FHIT: variants seen among roughly 807,000 people sequenced by gnomAD.
The protein encoded by FHIT is fragile histidine triad diadenosine triphosphatase, also known as bis(5'-adenosyl)-triphosphatase.
In FHIT, 19 loss-of-function variants were observed where a neutral mutation model predicts 17.9. The ratio of observed to expected loss-of-function variants is 1.06; its 90% CI spans 0.74 to 1.56. The LOEUF (loss-of-function observed/expected upper bound fraction) is 1.56. Among genes scored for constraint, FHIT ranks in the 40% most tolerant of loss-of-function variants. The pLI, the probability that FHIT is intolerant of heterozygous loss-of-function variation, is 0.00. For missense variants in FHIT, 248 were observed against 189.2 expected (o/e 1.31, Z -1.82); for synonymous variants, 81 against 69.7 (o/e 1.16, Z -0.81).
intron 7 of FHIT, among the ~76,000 whole-genome samples, chr3:59,944,723 T>C (rs1706709693): frequency 6.6e-6 from 1 of 152,140 alleles, no homozygotes; most frequent in African/African-American, 2.4e-5. Flanking sequence ...TTTCTTTCTC[T>C]GTATCCAAGT....
chr3:60,517,835 A>G (rs2035218375), intron 5 of FHIT, among the ~76,000 whole-genome samples: 1 of 152,196 alleles, frequency 6.6e-6, no homozygotes, highest in Non-Finnish European at 1.5e-5. Context: ...TCTGTAAAGA[A>G]GTTAGTTAGA....
intron 5 of FHIT, among the ~76,000 whole-genome samples, chr3:60,498,143 T>G (rs75793140): frequency 0.18 from 27,360 of 152,124 alleles, 2,726 homozygotes; most frequent in Middle Eastern, 0.27. Context: ...AAGCCATAGT[T>G]TCGCCAACAC....
intron 4 of FHIT, among the ~76,000 whole-genome samples, chr3:60,649,043 C>T (rs567020365): frequency 9.9e-5 from 15 of 152,148 alleles, no homozygotes; most frequent in Non-Finnish European, 2.2e-4. Flanking sequence ...ATAGAAATTC[C>T]ATTTTCATAA....
At chr3:60,176,453 CAT>C (rs1245916006) in intron 5 of FHIT, among the ~76,000 whole-genome samples, 1 of 152,176 alleles carries the variant, frequency 6.6e-6, no homozygotes. Context: ...TACTCTCTAG[CAT>C]AGTTTACCTG....
intron 4 of FHIT, among the ~76,000 whole-genome samples, chr3:60,729,352 T>C (rs1419597502): frequency 2.0e-5 from 3 of 152,152 alleles, no homozygotes; most frequent in African/African-American, 7.2e-5. Flanking sequence ...CCTTAGAAAG[T>C]TACGCAAAAA....
chr3:60,353,534 T>C (rs1699512149), intron 5 of FHIT, among the ~76,000 whole-genome samples: 1 of 152,186 alleles, frequency 6.6e-6, no homozygotes, highest in Non-Finnish European at 1.5e-5. Flanking sequence ...ATTACTCTTC[T>C]TTGTCTAATC....
chr3:60,314,648 A>G (rs1709088127), intron 5 of FHIT, among the ~76,000 whole-genome samples: 1 of 152,170 alleles, frequency 6.6e-6, no homozygotes, highest in African/African-American at 2.4e-5. Context: ...ACTGTTAAAA[A>G]CTTTCTAACT....
intron 4 of FHIT, among the ~76,000 whole-genome samples, chr3:60,657,612 T>G (rs567816727): frequency 6.6e-6 from 1 of 152,186 alleles, no homozygotes; most frequent in East Asian, 1.9e-4. Flanking sequence ...CAAGAGTCTC[T>G]CCTTGACCAA....
intron 3 of FHIT, among the ~76,000 whole-genome samples, chr3:60,862,706 G>C (rs1409433651): frequency 1.3e-5 from 2 of 152,004 alleles, no homozygotes; most frequent in African/African-American, 2.4e-5. Context: ...ACAAAACTTA[G>C]CCAGGCATGG....
chr3:60,588,837 A>G (rs1664552302), intron 4 of FHIT, among the ~76,000 whole-genome samples: 1 of 151,998 alleles, frequency 6.6e-6, no homozygotes, highest in African/African-American at 2.4e-5. Context: ...TTTACACCAG[A>G]TTCACCTTAC....
chr3:59,876,353 T>A (rs1425282438), intron 8 of FHIT, among the ~76,000 whole-genome samples: 1 of 152,232 alleles, frequency 6.6e-6, no homozygotes, highest in African/African-American at 2.4e-5. Context: ...TTTTTGGTGT[T>A]TGATAAGCTA....
chr3:60,603,982 C>T (rs948414824), intron 4 of FHIT, among the ~76,000 whole-genome samples: 5 of 151,960 alleles, frequency 3.3e-5, no homozygotes, highest in Admixed American at 2.6e-4. Context: ...ATAATGGTGA[C>T]GAAGAGACTA....
chr3:60,936,611 T>A (rs549593422), intron 3 of FHIT, among the ~76,000 whole-genome samples: 1 of 152,246 alleles, frequency 6.6e-6, no homozygotes, highest in Non-Finnish European at 1.5e-5. Flanking sequence ...GACTATCTTT[T>A]GATTTTTTAT....
chr3:60,029,907 G>GTGTGTGTGTGTGTGTGTC (rs1700927115), intron 5 of FHIT, among the ~76,000 whole-genome samples: 6 of 132,634 alleles, frequency 4.5e-5, no homozygotes, highest in African/African-American at 1.9e-4. Context: ...CTGTGTGTGT[G>GTGTGTGTGTGTGTGTGTC]TGTGTGTGTG....
chr3:59,754,432 G>C (rs1701095104), intron 8 of FHIT, among the ~76,000 whole-genome samples: 1 of 152,208 alleles, frequency 6.6e-6, no homozygotes, highest in African/African-American at 2.4e-5. Context: ...AGGCAAACGG[G>C]ATTGCTATTC....
At chr3:59,943,111 A>T (rs530832336) in intron 7 of FHIT, among the ~76,000 whole-genome samples, 2 of 151,774 alleles carry the variant, frequency 1.3e-5, no homozygotes, top group East Asian at 3.9e-4. Context: ...CTGTGGGCAC[A>T]TCCTCAAAAG....
At chr3:60,978,152 T>C (rs914279577) in intron 3 of FHIT, among the ~76,000 whole-genome samples, 7 of 152,202 alleles carry the variant, frequency 4.6e-5, no homozygotes, top group Non-Finnish European at 8.8e-5. Context: ...AACCATGTAC[T>C]TTCCTTGAGC....
intron 5 of FHIT, among the ~76,000 whole-genome samples, chr3:60,126,418 T>A (rs761985573): frequency 6.6e-5 from 10 of 152,260 alleles, no homozygotes; most frequent in Non-Finnish European, 1.2e-4. Flanking sequence ...TGTTTGAAGT[T>A]AGGGAATACA....
chr3:59,928,994 C>CAAAAA (rs56107626), intron 7 of FHIT, among the ~76,000 whole-genome samples: 2 of 33,120 alleles, frequency 6.0e-5, no homozygotes, highest in African/African-American at 1.3e-4. Flanking sequence ...GACTTCATCT[C>CAAAAA]AAAAAAAAAA....
Sources: gnomAD v4.1 joint callset for allele counts (sites outside exome capture counted in the v4.1 genomes callset) on GRCh38, gnomAD v4.1.1 for gene constraint, MANE v1.5 for transcripts, NCBI Gene and HGNC (gene_info 2026-07-23, HGNC 2026-07-21) for gene names.